The following ADGRB3 variants were observed in gnomAD, a reference collection of about 807,000 sequenced individuals.
ADGRB3 encodes brain-specific angiogenesis inhibitor 3.
ADGRB3 carries 37 observed loss-of-function variants against 193.4 expected under a neutral mutation model. That is an observed-to-expected ratio of 0.19 (90% CI 0.15 to 0.25). The LOEUF is 0.25. Among genes scored for constraint, ADGRB3 ranks in the 10% least tolerant of loss-of-function variants. The probability of loss-of-function intolerance (pLI) is 1.00; values close to 1 mark genes in which losing one functional copy is unlikely to be tolerated. For missense variants in ADGRB3, 1,637 were observed against 1,852.9 expected (o/e 0.88, Z 2.14); for synonymous variants, 690 against 644.2 (o/e 1.07, Z -1.08).
chr6:69,353,271 CTTCAGAATTTGATTA>C (rs1011681762), intron 26 of ADGRB3, among the ~76,000 whole-genome samples: 7 of 152,154 alleles, frequency 4.6e-5, no homozygotes, highest in Non-Finnish European at 8.8e-5. Flanking sequence ...TTTGTTCTTT[CTTCAGAATTTGATTA>C]TAAATGGATA....
intron 3 of ADGRB3, among the ~76,000 whole-genome samples, chr6:68,846,568 C>A (rs1437260943): frequency 6.6e-6 from 1 of 152,188 alleles, no homozygotes; most frequent in Non-Finnish European, 1.5e-5. Flanking sequence ...TGAAAGGGGT[C>A]AATGTACAGT....
intron 5 of ADGRB3, among the ~76,000 whole-genome samples, chr6:68,937,074 T>A (rs1336936351): frequency 6.6e-6 from 1 of 152,216 alleles, no homozygotes; most frequent in Non-Finnish European, 1.5e-5. Context: ...ACATAGTCTG[T>A]CAGGCAGTCA....
At chr6:68,770,211 A>G (rs1582186183) in intron 3 of ADGRB3, among the ~76,000 whole-genome samples, 1 of 152,144 alleles carries the variant, frequency 6.6e-6, no homozygotes, top group Non-Finnish European at 1.5e-5. Flanking sequence ...TGGAAGGAAT[A>G]CATTAAGGGA....
chr6:68,874,199 A>T (rs1765529735), intron 3 of ADGRB3, among the ~76,000 whole-genome samples: 1 of 152,146 alleles, frequency 6.6e-6, no homozygotes, highest in South Asian at 2.1e-4. Flanking sequence ...ACCATTTATA[A>T]ATGTGATTTC....
At chr6:69,113,071 G>A (rs1318041782) in intron 17 of ADGRB3, among the ~76,000 whole-genome samples, 6 of 152,124 alleles carry the variant, frequency 3.9e-5, no homozygotes, top group African/African-American at 1.4e-4. Context: ...ATAATTTAAA[G>A]TATACGAGAG....
At chr6:68,665,079 C>T (rs1468701343) in intron 3 of ADGRB3, among the ~76,000 whole-genome samples, 1 of 151,660 alleles carries the variant, frequency 6.6e-6, no homozygotes, top group Non-Finnish European at 1.5e-5. Context: ...CTTTACTGGC[C>T]AAGATACTTT....
At chr6:69,342,088 G>A (rs761824372) in intron 26 of ADGRB3, among the ~76,000 whole-genome samples, 14 of 152,004 alleles carry the variant, frequency 9.2e-5, no homozygotes, top group Admixed American at 2.0e-4. Flanking sequence ...GAACTTTTTC[G>A]TACTTGCTAA....
At chr6:69,359,677 A>G (rs1336097782) in intron 28 of ADGRB3, among the ~76,000 whole-genome samples, 1 of 151,912 alleles carries the variant, frequency 6.6e-6, no homozygotes, top group Non-Finnish European at 1.5e-5. Context: ...AATAATGGAA[A>G]AAAATCAGTA....
intron 3 of ADGRB3, among the ~76,000 whole-genome samples, chr6:68,903,832 C>A (rs2150234196): frequency 6.6e-6 from 1 of 151,472 alleles, no homozygotes; most frequent in East Asian, 2.0e-4. Context: ...CATAGTGACA[C>A]CCTGTCTATT....
intron 3 of ADGRB3, among the ~76,000 whole-genome samples, chr6:68,851,154 A>G (rs1278817513): frequency 9.2e-5 from 14 of 151,870 alleles, no homozygotes; most frequent in Admixed American, 8.5e-4. Flanking sequence ...GCCTCTTCCT[A>G]CTATACCTGA....
intron 3 of ADGRB3, among the ~76,000 whole-genome samples, chr6:68,842,938 C>A (rs1425926674): frequency 6.6e-6 from 1 of 151,332 alleles, no homozygotes; most frequent in African/African-American, 2.4e-5. Flanking sequence ...TCATTTCAAT[C>A]GATGCTGAAA....
chr6:69,072,108 G>T (rs1027833338), intron 16 of ADGRB3, among the ~76,000 whole-genome samples: 1 of 151,772 alleles, frequency 6.6e-6, no homozygotes, highest in African/African-American at 2.4e-5. Context: ...GTCTATTTAG[G>T]TACTAAGTTT....
chr6:69,224,176 A>C (rs1173750457), intron 17 of ADGRB3, among the ~76,000 whole-genome samples: 2 of 152,100 alleles, frequency 1.3e-5, no homozygotes, highest in South Asian at 4.2e-4. Context: ...AATCATTTTT[A>C]AAAGGTTTGT....
intron 17 of ADGRB3, chr6:69,232,498 C>T: frequency 6.5e-7 from 1 of 1,535,198 alleles, no homozygotes; most frequent in Non-Finnish European, 8.7e-7. Context: ...GGGGTTATTC[C>T]TCTGAATGTT....
chr6:68,910,726 C>T (rs1417135213), intron 3 of ADGRB3, among the ~76,000 whole-genome samples: 2 of 152,092 alleles, frequency 1.3e-5, no homozygotes, highest in Non-Finnish European at 2.9e-5. Flanking sequence ...AGATATGTGG[C>T]ATTATTTCTG....
At chr6:68,738,454 G>C (rs554651997) in intron 3 of ADGRB3, among the ~76,000 whole-genome samples, 25 of 152,188 alleles carry the variant, frequency 1.6e-4, no homozygotes, top group Admixed American at 4.6e-4. Context: ...GATGAATTAG[G>C]GGGGAAATAA....
At chr6:69,141,660 C>T (rs1231864918) in intron 17 of ADGRB3, among the ~76,000 whole-genome samples, 2 of 151,982 alleles carry the variant, frequency 1.3e-5, no homozygotes, top group African/African-American at 4.8e-5. Context: ...GGGAAGCAGG[C>T]AGTCCATGTG....
chr6:69,126,039 C>T (rs940358758), intron 17 of ADGRB3, among the ~76,000 whole-genome samples: 8 of 152,090 alleles, frequency 5.3e-5, no homozygotes, highest in East Asian at 3.9e-4. Flanking sequence ...CTGTGCTTTT[C>T]GCCCTAGATA....
At chr6:68,923,467 G>A (rs560559577) in intron 3 of ADGRB3, among the ~76,000 whole-genome samples, 3 of 151,966 alleles carry the variant, frequency 2.0e-5, no homozygotes, top group African/African-American at 7.2e-5. Flanking sequence ...TTTTGGTCAA[G>A]CAACCATTAA....
Sources: gnomAD v4.1 joint callset for allele counts (sites outside exome capture counted in the v4.1 genomes callset) on GRCh38, gnomAD v4.1.1 for gene constraint, MANE v1.5 for transcripts, NCBI Gene and HGNC (gene_info 2026-07-23, HGNC 2026-07-21) for gene names.